Variants in SIRT5 observed in about 807,000 individuals in gnomAD.
The protein encoded by SIRT5 is NAD-dependent protein deacylase sirtuin-5, mitochondrial.
A neutral mutation model predicts 40.0 loss-of-function variants in SIRT5; 26 were observed. The observed-to-expected ratio is 0.65, with a 90% CI of 0.48 to 0.90. The LOEUF is 0.90. Among genes scored for constraint, SIRT5 ranks in the 40% least tolerant of loss-of-function variants. SIRT5 has a pLI of 0.00. For missense variants in SIRT5, 401 were observed against 402.4 expected (o/e 1.00, Z 0.03); for synonymous variants, 146 against 149.1 (o/e 0.98, Z 0.15).
intron 9 of SIRT5, among the ~76,000 whole-genome samples, chr6:13,611,477 AAAAC>A (rs914836654): frequency 2.0e-5 from 3 of 152,064 alleles, no homozygotes; most frequent in African/African-American, 7.2e-5. Flanking sequence ...GGATTTGAAA[AAAAC>A]AAACAGAATA....
chr6:13,589,679 G>C (rs1760567101), intron 4 of SIRT5: 1 of 152,366 alleles, frequency 6.6e-6, no homozygotes, highest in Admixed American at 6.6e-5. Flanking sequence ...TGGGTGAAGG[G>C]TGGGGGTCAT....
intron 7 of SIRT5, among the ~76,000 whole-genome samples, chr6:13,598,187 T>C (rs1218362993): frequency 1.3e-5 from 2 of 152,226 alleles, no homozygotes; most frequent in African/African-American, 4.8e-5. Flanking sequence ...CCTGGAGGAT[T>C]CCTGTGATGC....
chr6:13,578,230 A>G (rs1311521954), intron 1 of SIRT5, among the ~76,000 whole-genome samples: 2 of 152,108 alleles, frequency 1.3e-5, no homozygotes, highest in Admixed American at 6.6e-5. Context: ...TTTTGCATCT[A>G]TGTTCATCAG....
At position 13,615,119 on chromosome 6, in the gene SIRT5, C is replaced by A; in HGVS notation, c.*3254C>A. 2.0e-6 allele frequency: 1 copy of A among 488,972 alleles called. No homozygotes were observed. The highest frequency in any genetic ancestry group is 3.6e-6 in the Non-Finnish European group (1 of 281,152). 30.3% of individuals were successfully genotyped at this position (488,972 alleles called of 1,614,324 possible). ...CCCTGCCTTGAAATCAACCCCATTG[C>A]CAGCCGCTTTCGCCGGCAGAGCATT... On this transcript the variant is annotated 3_prime_UTR_variant, in exon 10 of 10. Coordinates refer to ENST00000606117, the MANE Select transcript of SIRT5 (RefSeq NM_012241.5).
At chr6:13,593,956 C>T (rs1254139276) in intron 5 of SIRT5, among the ~76,000 whole-genome samples, 1 of 152,086 alleles carries the variant, frequency 6.6e-6, no homozygotes, top group Non-Finnish European at 1.5e-5. Flanking sequence ...GATGATGCAG[C>T]GTTTCCTGAG....
chr6:13,597,048 T>C, intron 7 of SIRT5, 32 bp downstream of exon 7: 1 of 1,544,174 alleles, frequency 6.5e-7, no homozygotes, highest in Non-Finnish European at 8.8e-7. Flanking sequence ...GTACTGGTGT[T>C]CCAGGTTACC....
intron 9 of SIRT5, chr6:13,604,461 G>A (rs1469294913): frequency 1.4e-6 from 2 of 1,466,228 alleles, no homozygotes; most frequent in Non-Finnish European, 1.9e-6. Flanking sequence ...TTCTTCTAAT[G>A]TGGTTTCTTT....
chr6:13,595,403 A>T, intron 5 of SIRT5, 74 bp from the exon 6 acceptor site: 1 of 1,138,874 alleles, frequency 8.8e-7, no homozygotes, highest in East Asian at 2.3e-5. Flanking sequence ...AAAGTATCTT[A>T]TACCCTTTTA....
intron 9 of SIRT5, among the ~76,000 whole-genome samples, chr6:13,608,608 A>C (rs1480864688): frequency 6.6e-6 from 1 of 151,716 alleles, no homozygotes; most frequent in Admixed American, 6.6e-5. Flanking sequence ...AAAGAGAGAG[A>C]GAAAGAAAAT....
In SIRT5 at chr6:13,607,109, C is replaced by G. The variant is rs969284480; in HGVS notation, c.858-4681C>G. ...TGTTCCCCAAATACCCCTGAAGATA[C>G]GAATGACTCCAGCCCTTATTTTATA... On this transcript the variant is annotated intron_variant, in intron 9 of 9. Coordinates refer to ENST00000606117, the MANE Select transcript of SIRT5 (RefSeq NM_012241.5). This position sits in a 1 kb window ranked among gnomAD's most constrained non-coding sequence, Gnocchi z 4.0. Among the ~76,000 whole-genome samples the G allele has an allele frequency of 6.6e-6, 1 of 151,558 alleles. No individual in the cohort carries two copies. The highest frequency in any genetic ancestry group is 2.4e-5 in the African/African-American group (1 of 41,212).
chr6:13,585,777 G>C (rs1759994521), intron 3 of SIRT5, among the ~76,000 whole-genome samples: 2 of 152,148 alleles, frequency 1.3e-5, no homozygotes, highest in Admixed American at 6.6e-5. Context: ...ATGGCTGGGT[G>C]AAATGGTATT....
chr6:13,575,482 C>G (rs994618521), intron 1 of SIRT5, among the ~76,000 whole-genome samples: 2 of 151,970 alleles, frequency 1.3e-5, no homozygotes, highest in African/African-American at 4.8e-5. Context: ...GCCTGTACAA[C>G]TTTTTGCAGT....
chr6:13,604,244 T>C (rs184091276), intron 9 of SIRT5, among the ~76,000 whole-genome samples: 302 of 152,346 alleles, frequency 2.0e-3, no homozygotes, highest in African/African-American at 6.9e-3. Context: ...TTCTAACTTA[T>C]CTCCTGAAAA....
rs144502090 is a variant in SIRT5 at position 13,607,840 on chromosome 6, G to A, written c.858-3950G>A. ...ACGATCTCGACTCACTGCAACCTCCGCCTCCCTGGTTCAAGCAATTCTCCT... is the reference window on the plus strand; with the variant it reads ...ACGATCTCGACTCACTGCAACCTCCACCTCCCTGGTTCAAGCAATTCTCCT... On this transcript the variant is annotated intron_variant, in intron 9 of 9. Transcript: ENST00000606117. The surrounding 1 kb of genome is among the most constrained non-coding windows in gnomAD (Gnocchi z 4.0). Among the ~76,000 whole-genome samples the A allele has an allele frequency of 8.5e-5, 13 of 152,126 alleles. No individual in the cohort carries two copies. In the East Asian group the frequency reaches 2.1e-3, roughly 25 times the overall value.
intron 9 of SIRT5, among the ~76,000 whole-genome samples, chr6:13,603,170 G>T (rs948365502): frequency 1.3e-5 from 2 of 151,704 alleles, no homozygotes; most frequent in African/African-American, 4.8e-5. Flanking sequence ...CCAGCTACTC[G>T]GGAGGCTGAG....
At chr6:13,611,207 G>GTA (rs1172335284) in intron 9 of SIRT5, among the ~76,000 whole-genome samples, 9,344 of 93,226 alleles carry the variant, frequency 0.1, 464 homozygotes, top group East Asian at 0.27. Context: ...GTGTGTGTGT[G>GTA]TATATATATA....
At position 13,584,172 on chromosome 6, in the gene SIRT5, C is replaced by A; in HGVS notation, c.62C>A (p.Pro21His). ...TCCCAGCTATATTGTGGCCTGAAGC[C>A]TCCAGCGTCCACACGAAACCAGATT... Reference protein sequence around the residue: ...LISQLYCGLKPPASTRNQICL... With the variant: ...LISQLYCGLKHPASTRNQICL... The change falls in exon 3 of 10, where the codon CCT becomes CAT. Residue 21 changes from proline (P) to histidine (H), a missense_variant. Coordinates refer to ENST00000606117, the MANE Select transcript of SIRT5 (RefSeq NM_012241.5). 2 of 1,614,192 alleles carry A rather than the reference C, an allele frequency of 1.2e-6. No homozygotes were observed. Among genetic ancestry groups the A allele is most frequent in the Non-Finnish European group, 1.7e-6 (2 of 1,180,042 alleles).
At chr6:13,602,502 A>G (rs78848967) in intron 9 of SIRT5, among the ~76,000 whole-genome samples, 2 of 149,730 alleles carry the variant, frequency 1.3e-5, no homozygotes, top group East Asian at 1.9e-4. Context: ...CTCCGTCTCA[A>G]AAAAAAAAAA....
intron 9 of SIRT5, among the ~76,000 whole-genome samples, chr6:13,608,095 T>C (rs942148652): frequency 2.6e-5 from 4 of 152,182 alleles, no homozygotes; most frequent in Non-Finnish European, 2.9e-5. Context: ...AACTACCATA[T>C]CATTGTTTAA....
Sources: gnomAD v4.1 joint callset for allele counts (sites outside exome capture counted in the v4.1 genomes callset) on GRCh38, gnomAD v4.1.1 for gene constraint, Gnocchi (gnomAD v3.1) non-coding constraint, MANE v1.5 for transcripts, NCBI Gene and HGNC (gene_info 2026-07-23, HGNC 2026-07-21) for gene names.